Variants in LYPLAL1 observed in about 807,000 individuals in gnomAD.
LYPLAL1 encodes the protein lysophospholipase like 1, also known as lysophospholipase-like protein 1.
A neutral mutation model predicts 19.7 loss-of-function variants in LYPLAL1; 23 were observed. The ratio of observed to expected loss-of-function variants is 1.17; its 90% CI spans 0.84 to 1.65. LYPLAL1 has a LOEUF of 1.65. LYPLAL1 is among the 40% of genes most tolerant of loss of function. The probability of loss-of-function intolerance (pLI) is 0.00; values close to 1 mark genes in which losing one functional copy is unlikely to be tolerated. For missense variants in LYPLAL1, 355 were observed against 279.4 expected, an observed-to-expected ratio of 1.27 and a Z score of -1.93; for synonymous variants, 119 against 96.3, an observed-to-expected ratio of 1.24 and a Z score of -1.38.
At chr1:219,394,115 T>C in the LYPLAL1 span, among the ~76,000 whole-genome samples, 1 of 152,094 alleles carries the variant, frequency 6.6e-6, no homozygotes, top group Non-Finnish European at 1.5e-5. Flanking sequence ...CTACTAGATA[T>C]AAGATAAGCA....
intron 3 of LYPLAL1, among the ~76,000 whole-genome samples, chr1:219,193,863 A>G (rs909731288): frequency 2.0e-5 from 3 of 151,912 alleles, no homozygotes; most frequent in Non-Finnish European, 1.5e-5. Flanking sequence ...TGAATGGTAC[A>G]CGACATATTT....
the LYPLAL1 span, among the ~76,000 whole-genome samples, chr1:219,444,575 T>C: frequency 6.6e-6 from 1 of 152,348 alleles, no homozygotes; most frequent in East Asian, 1.9e-4. Flanking sequence ...ATTGAAACAG[T>C]TCCTGTTCTA....
chr1:219,410,516 T>A, the LYPLAL1 span, among the ~76,000 whole-genome samples: 1 of 152,230 alleles, frequency 6.6e-6, no homozygotes, highest in Non-Finnish European at 1.5e-5. Context: ...TCGCTTGCTC[T>A]CAGCACCTCC....
intron 3 of LYPLAL1, among the ~76,000 whole-genome samples, chr1:219,193,878 G>A (rs1452417886): frequency 6.6e-6 from 1 of 151,838 alleles, no homozygotes; most frequent in Non-Finnish European, 1.5e-5. Context: ...ATATTTTGGT[G>A]AAAGGGTTTT....
At chr1:219,281,121 G>A in the LYPLAL1 span, among the ~76,000 whole-genome samples, 5 of 152,172 alleles carry the variant, frequency 3.3e-5, no homozygotes, top group Non-Finnish European at 5.9e-5. Context: ...AGTACTCAGG[G>A]TGATTGAGAT....
the LYPLAL1 span, among the ~76,000 whole-genome samples, chr1:219,220,674 A>T: frequency 6.6e-6 from 1 of 152,162 alleles, no homozygotes; most frequent in Non-Finnish European, 1.5e-5. Context: ...ACATTTCTGG[A>T]GTCGATTTTT....
the LYPLAL1 span, among the ~76,000 whole-genome samples, chr1:219,275,061 T>C: frequency 7.0e-4 from 107 of 152,332 alleles, no homozygotes; most frequent in Admixed American, 3.5e-3. Flanking sequence ...TTCTCAAATA[T>C]GGTTTTCAAC....
At chr1:219,445,345 C>A in the LYPLAL1 span, among the ~76,000 whole-genome samples, 19 of 117,930 alleles carry the variant, frequency 1.6e-4, no homozygotes, top group Non-Finnish European at 2.6e-4. Flanking sequence ...ATAGTCTGAC[C>A]AAAAAAAAAC....
At chr1:219,191,293 C>G (rs1050581484) in intron 2 of LYPLAL1, among the ~76,000 whole-genome samples, 1 of 151,522 alleles carries the variant, frequency 6.6e-6, no homozygotes, top group African/African-American at 2.4e-5. Flanking sequence ...GATAAAAACA[C>G]GTATGCATAT....
the LYPLAL1 span, among the ~76,000 whole-genome samples, chr1:219,400,820 A>G: frequency 1.3e-5 from 2 of 152,138 alleles, no homozygotes; most frequent in African/African-American, 4.8e-5. Context: ...CTATCTATCT[A>G]TCTGTCTGCC....
the LYPLAL1 span, among the ~76,000 whole-genome samples, chr1:219,262,759 T>C: frequency 6.6e-6 from 1 of 152,328 alleles, no homozygotes; most frequent in South Asian, 2.1e-4. Context: ...AAGTAGACTC[T>C]GTGAGAGTCC....
intron 3 of LYPLAL1, among the ~76,000 whole-genome samples, chr1:219,202,352 G>A (rs1343558004): frequency 6.6e-6 from 1 of 152,210 alleles, no homozygotes; most frequent in East Asian, 1.9e-4. Context: ...TGGAACAGTG[G>A]TACCACTTGG....
At chr1:219,434,727 G>A in the LYPLAL1 span, among the ~76,000 whole-genome samples, 1 of 152,168 alleles carries the variant, frequency 6.6e-6, no homozygotes, top group South Asian at 2.1e-4. Flanking sequence ...ACTACCATGC[G>A]TTGACTGACA....
At chr1:219,368,033 C>T in the LYPLAL1 span, among the ~76,000 whole-genome samples, 9 of 151,652 alleles carry the variant, frequency 5.9e-5, no homozygotes, top group African/African-American at 2.2e-4. Context: ...ATTGCTACTC[C>T]TTTATATTCT....
At chr1:219,174,284 T>G (rs1655623137) in intron 1 of LYPLAL1, 1 of 1,286,674 alleles carries the variant, frequency 7.8e-7, no homozygotes, top group Admixed American at 3.4e-5. Flanking sequence ...GCCCCAAGTT[T>G]AAACAGAGCA....
the LYPLAL1 span, among the ~76,000 whole-genome samples, chr1:219,335,561 A>G: frequency 2.6e-5 from 4 of 151,974 alleles, no homozygotes; most frequent in African/African-American, 7.2e-5. Context: ...TGGGGTTTAT[A>G]TTGTATTCTT....
intron 2 of LYPLAL1, among the ~76,000 whole-genome samples, chr1:219,185,176 A>G (rs1312089160): frequency 1.3e-5 from 2 of 151,784 alleles, no homozygotes; most frequent in Middle Eastern, 3.4e-3. Flanking sequence ...TGATTTGTCA[A>G]ATTTATTGAC....
the LYPLAL1 span, among the ~76,000 whole-genome samples, chr1:219,400,733 C>G: frequency 6.6e-6 from 1 of 152,208 alleles, no homozygotes; most frequent in Non-Finnish European, 1.5e-5. Flanking sequence ...CTCCTGACCT[C>G]AAGTTATCCA....
the LYPLAL1 span, among the ~76,000 whole-genome samples, chr1:219,408,248 T>C: frequency 6.6e-6 from 1 of 152,194 alleles, no homozygotes; most frequent in East Asian, 1.9e-4. Context: ...TCTGTGATGT[T>C]GAGAGCAATA....
Sources: allele counts gnomAD v4.1 joint callset (sites outside exome capture counted in the v4.1 genomes callset), GRCh38; gene constraint gnomAD v4.1.1; transcripts MANE v1.5; gene names NCBI Gene and HGNC (gene_info 2026-07-23, HGNC 2026-07-21).